FBXL13: variants seen among roughly 807,000 people sequenced by gnomAD.
FBXL13 encodes F-box and leucine-rich repeat protein 13.
FBXL13 carries 67 observed loss-of-function variants against 83.6 expected under a neutral mutation model. The ratio of observed to expected loss-of-function variants is 0.80; its 90% confidence interval spans 0.66 to 0.98. The LOEUF (loss-of-function observed/expected upper bound fraction) is 0.98, where lower values mean the gene tolerates loss of function less well. Among genes scored for constraint, FBXL13 ranks in the 50% least tolerant of loss-of-function variants. The pLI is 0.00. For synonymous variants in FBXL13, 272 were observed against 299.5 expected (o/e 0.91, Z 0.95); for missense variants, 822 against 866.5 (o/e 0.95, Z 0.64).
chr7:102,950,332 C>T (rs144785469), intron 8 of FBXL13, among the ~76,000 whole-genome samples: 8 of 152,256 alleles, frequency 5.3e-5, no homozygotes, highest in African/African-American at 9.6e-5. Flanking sequence ...ATGCTGATGA[C>T]GATGTAAAGC....
At chr7:102,904,551 T>C (rs1813453358) in intron 11 of FBXL13, among the ~76,000 whole-genome samples, 2 of 152,232 alleles carry the variant, frequency 1.3e-5, no homozygotes, top group African/African-American at 2.4e-5. Context: ...TTTTGTTTCA[T>C]TGATCTTTTT....
At chr7:102,998,745 T>C (rs1790080641) in intron 6 of FBXL13, among the ~76,000 whole-genome samples, 1 of 151,988 alleles carries the variant, frequency 6.6e-6, no homozygotes, top group South Asian at 2.1e-4. Flanking sequence ...GGCAGGAGGA[T>C]TGTTTGAGCC....
chr7:102,980,167 T>G (rs572706443), intron 6 of FBXL13, among the ~76,000 whole-genome samples: 1 of 152,110 alleles, frequency 6.6e-6, no homozygotes, highest in Non-Finnish European at 1.5e-5. Flanking sequence ...CAAAACAATT[T>G]TGAAAAAGAA....
chr7:103,001,870 G>C (rs1790434769), intron 6 of FBXL13, among the ~76,000 whole-genome samples: 1 of 152,098 alleles, frequency 6.6e-6, no homozygotes, highest in South Asian at 2.1e-4. Context: ...GACACTATTA[G>C]CTTCTCTCTT....
At chr7:102,925,147 A>C (rs1338815550) in intron 10 of FBXL13, among the ~76,000 whole-genome samples, 2 of 152,246 alleles carry the variant, frequency 1.3e-5, no homozygotes, top group Non-Finnish European at 2.9e-5. Flanking sequence ...TCATGCCAGC[A>C]CTTTGGGAGG....
chr7:102,838,502 G>A (rs1384255309), intron 17 of FBXL13, among the ~76,000 whole-genome samples: 1 of 152,068 alleles, frequency 6.6e-6, no homozygotes, highest in East Asian at 1.9e-4. Context: ...CCAGGCTGGA[G>A]TGCAGTGGTG....
At chr7:102,834,138 G>GAAAGAAAGA (rs1554405117) in intron 17 of FBXL13, among the ~76,000 whole-genome samples, 31 of 123,926 alleles carry the variant, frequency 2.5e-4, no homozygotes, top group African/African-American at 6.9e-4. Context: ...AAGAAAGAAA[G>GAAAGAAAGA]AAAAGAGAAG....
chr7:103,062,714 C>T (rs1480772335), intron 1 of FBXL13, among the ~76,000 whole-genome samples: 2 of 151,940 alleles, frequency 1.3e-5, no homozygotes, highest in Non-Finnish European at 2.9e-5. Context: ...AATATAGAAT[C>T]AAAAGGTATA....
intron 16 of FBXL13, chr7:102,857,449 C>T (rs1806193108): frequency 6.6e-6 from 1 of 152,624 alleles, no homozygotes; most frequent in Non-Finnish European, 1.5e-5. Context: ...CAAAAGAAGA[C>T]ATATGTGAGG....
At chr7:102,932,527 T>G (rs1819381734) in intron 8 of FBXL13, among the ~76,000 whole-genome samples, 2 of 1,304 alleles carry the variant, frequency 1.5e-3, no homozygotes, top group African/African-American at 2.0e-3. Context: ...CATAAATAAT[T>G]CAGCATGTAT....
intron 6 of FBXL13, among the ~76,000 whole-genome samples, chr7:103,006,152 C>G (rs11974281): frequency 0.011 from 1,676 of 152,242 alleles, 35 homozygotes; most frequent in African/African-American, 0.039. Context: ...ATGATAGAAG[C>G]GGTGCCAGAT....
chr7:103,026,246 C>G (rs1321204973), intron 5 of FBXL13, among the ~76,000 whole-genome samples: 1 of 151,920 alleles, frequency 6.6e-6, no homozygotes, highest in Admixed American at 6.6e-5. Context: ...TCAAGAGATT[C>G]TCCTGACTCA....
At chr7:102,909,303 C>T (rs574758663) in intron 11 of FBXL13, among the ~76,000 whole-genome samples, 48 of 152,074 alleles carry the variant, frequency 3.2e-4, no homozygotes, top group South Asian at 6.2e-4. Context: ...CAGTGGGTTC[C>T]CCTCTGGCCC....
chr7:102,823,737 G>A (rs1057045279), intron 18 of FBXL13, among the ~76,000 whole-genome samples: 5 of 152,166 alleles, frequency 3.3e-5, no homozygotes, highest in Admixed American at 3.3e-4. Flanking sequence ...GTGAGGCTTG[G>A]CTCTTGTTTT....
chr7:102,826,773 G>GTA (rs1562911653), intron 18 of FBXL13, among the ~76,000 whole-genome samples: 2 of 55,732 alleles, frequency 3.6e-5, no homozygotes, highest in Non-Finnish European at 7.3e-5. Flanking sequence ...ATATATATAT[G>GTA]TATATATATC....
At chr7:102,940,183 C>A (rs180812229) in intron 8 of FBXL13, among the ~76,000 whole-genome samples, 76 of 150,928 alleles carry the variant, frequency 5.0e-4, no homozygotes, top group Non-Finnish European at 1.0e-3. Context: ...CATGAGCCAC[C>A]GCGCCTGGCC....
chr7:102,834,090 G>GGA (rs60060071), intron 17 of FBXL13, among the ~76,000 whole-genome samples: 2,461 of 70,384 alleles, frequency 0.035, 113 homozygotes, highest in East Asian at 0.11. Context: ...GGAAAGAAAA[G>GGA]AAAGAAAGAA....
intron 6 of FBXL13, among the ~76,000 whole-genome samples, chr7:102,986,725 G>A (rs1828997580): frequency 6.6e-6 from 1 of 152,028 alleles, no homozygotes; most frequent in African/African-American, 2.4e-5. Context: ...CAGATGGGCC[G>A]ATTGTAAAGG....
At chr7:103,054,324 A>AG (rs1797124107) in intron 2 of FBXL13, among the ~76,000 whole-genome samples, 1 of 147,282 alleles carries the variant, frequency 6.8e-6, no homozygotes, top group Non-Finnish European at 1.5e-5. Flanking sequence ...CGGGAGGTGG[A>AG]GGTTGCAGTG....
Sources: gnomAD v4.1 joint callset for allele counts (sites outside exome capture counted in the v4.1 genomes callset) on GRCh38, gnomAD v4.1.1 for gene constraint, MANE v1.5 for transcripts, NCBI Gene and HGNC (gene_info 2026-07-23, HGNC 2026-07-21) for gene names.